The following SDK2 variants were observed in gnomAD, a reference collection of about 807,000 sequenced individuals.
SDK2 encodes the protein sidekick cell adhesion molecule 2.
In SDK2, 105 loss-of-function variants were observed where a neutral mutation model predicts 253.9. The ratio of observed to expected loss-of-function variants is 0.41; its 90% confidence interval spans 0.35 to 0.49. The LOEUF (loss-of-function observed/expected upper bound fraction) is 0.49, where lower values mean the gene tolerates loss of function less well. SDK2 is among the 20% of genes least tolerant of loss of function. SDK2 has a pLI of 0.06. For missense variants in SDK2, 2,608 were observed against 3,003.0 expected, an observed-to-expected ratio of 0.87 and a Z score of 3.07; for synonymous variants, 1,249 against 1,234.9, an observed-to-expected ratio of 1.01 and a Z score of -0.24.
chr17:73,613,463 G>A (rs963678468), intron 1 of SDK2, among the ~76,000 whole-genome samples: 5 of 151,638 alleles, frequency 3.3e-5, no homozygotes, highest in Non-Finnish European at 5.9e-5. Context: ...GTATTGTCAC[G>A]CTCTGCCATC....
intron 14 of SDK2, 85 bp from the exon 15 acceptor site, chr17:73,422,519 G>A: frequency 6.8e-7 from 1 of 1,471,536 alleles, no homozygotes; most frequent in Non-Finnish European, 9.4e-7. Context: ...GCAGGGTCCA[G>A]CTTCACTGGG....
intron 1 of SDK2, among the ~76,000 whole-genome samples, chr17:73,564,831 AAAC>A (rs199795348): frequency 0.069 from 10,260 of 148,242 alleles, 691 homozygotes; most frequent in African/African-American, 0.17. Flanking sequence ...TCTGAAAAAA[AAAC>A]AAAAAACAAA....
intron 36 of SDK2, among the ~76,000 whole-genome samples, chr17:73,377,074 T>TGCGTCTCTCCTACTCCCCACCTGTGGG: frequency 1.3e-5 from 2 of 152,194 alleles, no homozygotes; most frequent in African/African-American, 4.8e-5. Context: ...ACTCCCCACT[T>TGCGTCTCTCCTACTCCCCACCTGTGGG]AAGCCATGGC....
At chr17:73,635,723 C>T (rs2046321923) in intron 1 of SDK2, among the ~76,000 whole-genome samples, 1 of 151,668 alleles carries the variant, frequency 6.6e-6, no homozygotes, top group Non-Finnish European at 1.5e-5. Flanking sequence ...TTCCCCTCAT[C>T]CTCCCCACCC....
In SDK2 at chr17:73,435,304, A is replaced by C; in HGVS notation, c.1195+146T>G. Reference sequence around the variant, plus strand: ...AGCAGCGGTAACTGGCTGTGCCCCCAGGCTGCTGGGCAGCAGGCGGCCTTT... The same window carrying C: ...AGCAGCGGTAACTGGCTGTGCCCCCCGGCTGCTGGGCAGCAGGCGGCCTTT... On this transcript the variant is annotated intron_variant, in intron 9 of 44. Coordinates refer to ENST00000392650, the MANE Select transcript of SDK2 (RefSeq NM_001144952.2). This position sits in a 1 kb window ranked among gnomAD's most constrained non-coding sequence, Gnocchi z 5.7. 1 of 738,560 alleles carries C rather than the reference A, an allele frequency of 1.4e-6. No individual in the cohort carries two copies. Among genetic ancestry groups the C allele is most frequent in the East Asian group, 2.9e-5 (1 of 34,414 alleles). The allele number at this position is 738,560 out of a possible 1,614,324, so 45.8% of individuals were successfully genotyped here.
chr17:73,382,218 CAAA>C (rs34453546), intron 33 of SDK2, among the ~76,000 whole-genome samples: 28 of 126,678 alleles, frequency 2.2e-4, no homozygotes, highest in Non-Finnish European at 2.1e-4. Flanking sequence ...AACTCCATTT[CAAA>C]AAAAAAAAAA....
At position 73,336,216 on chromosome 17, in the gene SDK2, A is replaced by C. The variant is rs936157200; in HGVS notation, c.*2371T>G. On this transcript the variant is annotated 3_prime_UTR_variant, in exon 45 of 45. Transcript: ENST00000392650. ...AAAAAAAGATGAGAGGAAAGAAAAGAAAGCTGTGCGGCACGATCACAGGCC... is the reference window on the plus strand; with the variant it reads ...AAAAAAAGATGAGAGGAAAGAAAAGCAAGCTGTGCGGCACGATCACAGGCC... 40 of 151,126 alleles carry C rather than the reference A, an allele frequency of 2.6e-4. No individual in the cohort carries two copies. Among genetic ancestry groups the C allele is most frequent in the Admixed American group, 2.2e-3 (34 of 15,184 alleles). 9.4% of individuals were successfully genotyped at this position (151,126 alleles called of 1,614,324 possible). A position where few individuals can be genotyped will look rare whatever the true frequency, so the allele number is the denominator to read the frequency against.
chr17:73,355,311 G>A (rs2062582724), intron 40 of SDK2, among the ~76,000 whole-genome samples: 1 of 148,740 alleles, frequency 6.7e-6, no homozygotes, highest in Non-Finnish European at 1.5e-5. Context: ...TTGAGTAGCT[G>A]GGATTATAGG....
At chr17:73,489,187 A>C (rs972997398) in intron 2 of SDK2, among the ~76,000 whole-genome samples, 1 of 152,168 alleles carries the variant, frequency 6.6e-6, no homozygotes, top group Admixed American at 6.5e-5. Context: ...CTGCTGCCAC[A>C]CTTGGCTTAG....
rs909369761 is a variant in SDK2, at chr17:73,467,481, C to T, written c.331+4631G>A. On this transcript the variant is annotated intron_variant, in intron 3 of 44. Transcript: ENST00000392650. This position sits in a 1 kb window ranked among gnomAD's most constrained non-coding sequence, Gnocchi z 4.1. ...CTTCCCAGCACAGTGACCCTCAGGACGAGCACTGCTATGAGTGAGAATGGT... is the reference window on the plus strand; with the variant it reads ...CTTCCCAGCACAGTGACCCTCAGGATGAGCACTGCTATGAGTGAGAATGGT... 1.3e-5 allele frequency among the ~76,000 whole-genome samples: 2 copies of T among 152,224 alleles called. No individual in the cohort carries two copies. The highest frequency in any genetic ancestry group is 6.5e-5 in the Admixed American group (1 of 15,292).
Position 73,624,535 on chromosome 17 carries a change from A to T in SDK2, c.64+19490T>A, listed in dbSNP as rs76090960. ...ACTCCTATTTTTTAGAAGAGTAGAG[A>T]CCCTCCTAAAATCAATCTTAAAATA... is the stretch of plus-strand genomic sequence containing the variant. On this transcript the variant is annotated intron_variant, in intron 1 of 44. Transcript: ENST00000392650. Among the ~76,000 whole-genome samples the T allele has an allele frequency of 4.8e-3, 725 of 152,274 alleles. 30 individuals are homozygous for T. Among genetic ancestry groups the T allele is most frequent in the Admixed American group, 0.031 (471 of 15,298 alleles).
intron 9 of SDK2, among the ~76,000 whole-genome samples, chr17:73,434,250 G>T (rs947414720): frequency 1.3e-5 from 2 of 152,250 alleles, no homozygotes; most frequent in Non-Finnish European, 2.9e-5. Context: ...CCAAGAGGGG[G>T]ACTTCTGCCA....
In SDK2 at chr17:73,616,135, G is replaced by A. The variant is rs1290258622; in HGVS notation, c.64+27890C>T. Among the ~76,000 whole-genome samples, 3 of 152,216 alleles carry A rather than the reference G, an allele frequency of 2.0e-5. No homozygotes were observed. Among genetic ancestry groups the A allele is most frequent in the South Asian group, 2.1e-4 (1 of 4,812 alleles). On this transcript the variant is annotated intron_variant, in intron 1 of 44. Coordinates refer to ENST00000392650, the MANE Select transcript of SDK2 (RefSeq NM_001144952.2). The surrounding 1 kb of genome is among the most constrained non-coding windows in gnomAD (Gnocchi z 5.2). ...GACATATGATCCAGTTTGTGGAATCGGTACCTCCTCTTCCCCAGAACATCA... is the reference window on the plus strand; with the variant it reads ...GACATATGATCCAGTTTGTGGAATCAGTACCTCCTCTTCCCCAGAACATCA...
chr17:73,430,362 C>T (rs1375090947), intron 12 of SDK2, 149 bp downstream of exon 12: 2 of 618,150 alleles, frequency 3.2e-6, no homozygotes, highest in Non-Finnish European at 5.7e-6. Context: ...TACCTCTCAG[C>T]CCTGCACTCA....
chr17:73,540,846 C>T (rs549892963), intron 1 of SDK2, among the ~76,000 whole-genome samples: 6 of 152,316 alleles, frequency 3.9e-5, no homozygotes, highest in South Asian at 2.1e-4. Flanking sequence ...AGGCCCTACC[C>T]GGAAGGCAGG....
intron 1 of SDK2, among the ~76,000 whole-genome samples, chr17:73,522,270 GT>G (rs1263704178): frequency 6.6e-6 from 1 of 152,228 alleles, no homozygotes; most frequent in African/African-American, 2.4e-5. Flanking sequence ...GAGAGATGCT[GT>G]GCTGACCCCT....
intron 18 of SDK2, among the ~76,000 whole-genome samples, chr17:73,413,023 C>T (rs2063152472): frequency 6.6e-6 from 1 of 152,128 alleles, no homozygotes; most frequent in African/African-American, 2.4e-5. Context: ...CCAGGGTTCC[C>T]CAATCCCCCA....
Position 73,338,750 on chromosome 17 carries a change from GTGCTGT to G in SDK2, c.6350_6355del (p.Asn2117_Ser2118del), listed in dbSNP as rs987865255. ...AAAGAGGCTGCCCTGCTGGGTGCTG[GTGCTGT>G]TGGTGACGGTGGTGTGGTCTGGCTC... On this transcript the variant is annotated inframe_deletion, in exon 45 of 45. Transcript: ENST00000392650. The surrounding 1 kb of genome is among the most constrained non-coding windows in gnomAD (Gnocchi z 5.0). 8 of 1,613,754 alleles carry G rather than the reference GTGCTGT, an allele frequency of 5.0e-6. No individual in the cohort carries two copies. Among genetic ancestry groups the G allele is most frequent in the Admixed American group, 1.7e-5 (1 of 59,964 alleles).
At chr17:73,604,714 C>A (rs891825067) in intron 1 of SDK2, among the ~76,000 whole-genome samples, 2 of 152,138 alleles carry the variant, frequency 1.3e-5, no homozygotes, top group Middle Eastern at 3.2e-3. Context: ...CCAAGTGGGC[C>A]TCACAACAGG....
Sources: allele counts gnomAD v4.1 joint callset (sites outside exome capture counted in the v4.1 genomes callset), GRCh38; gene constraint gnomAD v4.1.1; non-coding constraint Gnocchi (gnomAD v3.1); transcripts MANE v1.5; gene names NCBI Gene and HGNC (gene_info 2026-07-23, HGNC 2026-07-21).